The following ADAMTS6 variants were observed in gnomAD, a reference collection of about 807,000 sequenced individuals.
ADAMTS6 encodes ADAM metallopeptidase with thrombospondin type 1 motif 6, also known as A disintegrin and metalloproteinase with thrombospondin motifs 6.
ADAMTS6 carries 23 observed loss-of-function variants against 144.3 expected under a neutral mutation model. The observed-to-expected ratio is 0.16, with a 90% CI of 0.11 to 0.23. The LOEUF (loss-of-function observed/expected upper bound fraction) is 0.23. ADAMTS6 is among the 10% of genes least tolerant of loss of function. The pLI, the probability that ADAMTS6 is intolerant of heterozygous loss-of-function variation, is 1.00. For synonymous variants in ADAMTS6, 444 were observed against 457.5 expected, an observed-to-expected ratio of 0.97 and a Z score of 0.38; for missense variants, 999 against 1,379.6, an observed-to-expected ratio of 0.72 and a Z score of 4.37.
At chr5:65,364,712 G>C (rs1278149323) in intron 7 of ADAMTS6, among the ~76,000 whole-genome samples, 1 of 151,560 alleles carries the variant, frequency 6.6e-6, no homozygotes, top group African/African-American at 2.4e-5. Context: ...GACTACAGGC[G>C]CCCGTCACTG....
chr5:65,271,387 A>AC (rs1195869382), intron 12 of ADAMTS6, among the ~76,000 whole-genome samples: 3 of 151,754 alleles, frequency 2.0e-5, no homozygotes, highest in African/African-American at 4.8e-5. Context: ...AAAAAAAAAA[A>AC]AAAAAAAAAA....
At chr5:65,356,935 T>A (rs1477363350) in intron 7 of ADAMTS6, among the ~76,000 whole-genome samples, 1 of 151,852 alleles carries the variant, frequency 6.6e-6, no homozygotes, top group Admixed American at 6.6e-5. Flanking sequence ...AAGGTATTTT[T>A]CAGGGGTAAT....
chr5:65,232,802 T>G (rs1758364067), intron 15 of ADAMTS6, among the ~76,000 whole-genome samples: 1 of 152,036 alleles, frequency 6.6e-6, no homozygotes, highest in Non-Finnish European at 1.5e-5. Flanking sequence ...TTTCTCACAC[T>G]TTTTCAAAAA....
chr5:65,306,837 A>C (rs1743982773), intron 9 of ADAMTS6, among the ~76,000 whole-genome samples: 1 of 152,176 alleles, frequency 6.6e-6, no homozygotes. Context: ...TCTTTTGTAA[A>C]GTGTTCAACT....
At chr5:65,210,700 G>A in intron 20 of ADAMTS6, 1 of 643,598 alleles carries the variant, frequency 1.6e-6, no homozygotes, top group Middle Eastern at 4.0e-4. Context: ...TAATGTGGAA[G>A]TACACCAGAA....
chr5:65,404,252 C>T (rs1356780390), intron 7 of ADAMTS6, among the ~76,000 whole-genome samples: 2 of 152,012 alleles, frequency 1.3e-5, no homozygotes, highest in Non-Finnish European at 2.9e-5. Flanking sequence ...CCAATCAACT[C>T]GTCATTTACA....
intron 22 of ADAMTS6, among the ~76,000 whole-genome samples, chr5:65,178,320 G>A (rs942284850): frequency 6.6e-6 from 1 of 152,224 alleles, no homozygotes; most frequent in Non-Finnish European, 1.5e-5. Context: ...CGCAATTGGA[G>A]TCCCACGGGG....
At chr5:65,255,645 T>C (rs1760586299) in intron 14 of ADAMTS6, among the ~76,000 whole-genome samples, 1 of 152,090 alleles carries the variant, frequency 6.6e-6, no homozygotes, top group Non-Finnish European at 1.5e-5. Context: ...CCTTAGGTGC[T>C]TGGATGCTCT....
chr5:65,227,457 T>C (rs1363014141), intron 15 of ADAMTS6, among the ~76,000 whole-genome samples: 1 of 152,218 alleles, frequency 6.6e-6, no homozygotes, highest in Non-Finnish European at 1.5e-5. Flanking sequence ...CTTAAAATAT[T>C]TTCTTTTGTA....
At chr5:65,394,026 GCA>G (rs1352912798) in intron 7 of ADAMTS6, among the ~76,000 whole-genome samples, 2 of 152,100 alleles carry the variant, frequency 1.3e-5, no homozygotes, top group Non-Finnish European at 2.9e-5. Context: ...CATTCATGTG[GCA>G]AATTTTTTTT....
At chr5:65,152,478 A>C (rs1427634662) in intron 24 of ADAMTS6, among the ~76,000 whole-genome samples, 2 of 152,372 alleles carry the variant, frequency 1.3e-5, no homozygotes, top group Admixed American at 1.3e-4. Flanking sequence ...TTCAGCAACT[A>C]CACTAGACAA....
chr5:65,274,062 A>T (rs2112660385), intron 11 of ADAMTS6, among the ~76,000 whole-genome samples: 1 of 152,256 alleles, frequency 6.6e-6, no homozygotes, highest in Non-Finnish European at 1.5e-5. Flanking sequence ...GTTTTGAACA[A>T]ATGCTGCTGT....
intron 15 of ADAMTS6, among the ~76,000 whole-genome samples, chr5:65,234,115 T>C (rs1187248607): frequency 6.8e-6 from 1 of 147,126 alleles, no homozygotes; most frequent in Admixed American, 6.8e-5. Context: ...GAAAAAGAAA[T>C]TGGATACTTA....
At chr5:65,342,303 G>A (rs184779313) in intron 7 of ADAMTS6, among the ~76,000 whole-genome samples, 7 of 152,242 alleles carry the variant, frequency 4.6e-5, no homozygotes, top group African/African-American at 1.7e-4. Context: ...AATCATGGTG[G>A]AAGGTGAAAG....
chr5:65,158,091 C>G (rs931741107), intron 24 of ADAMTS6, among the ~76,000 whole-genome samples: 1 of 152,186 alleles, frequency 6.6e-6, no homozygotes, highest in African/African-American at 2.4e-5. Flanking sequence ...CCAGACCAGA[C>G]AGCCAGGAAT....
intron 18 of ADAMTS6, among the ~76,000 whole-genome samples, chr5:65,224,087 A>G (rs1216265407): frequency 1.3e-5 from 2 of 152,214 alleles, no homozygotes; most frequent in African/African-American, 4.8e-5. Flanking sequence ...GGTGTGAGCC[A>G]CAGCGCCTGG....
intron 22 of ADAMTS6, among the ~76,000 whole-genome samples, chr5:65,176,126 AG>A (rs758364831): frequency 8.6e-5 from 13 of 151,018 alleles, no homozygotes; most frequent in African/African-American, 2.4e-4. Context: ...AGGGAAAAAA[AG>A]GGGGGGGCAG....
chr5:65,226,715 T>C (rs1174444633), intron 15 of ADAMTS6, among the ~76,000 whole-genome samples: 3 of 151,952 alleles, frequency 2.0e-5, no homozygotes, highest in Admixed American at 1.3e-4. Flanking sequence ...CCTGAGTAGC[T>C]GGGATTACAG....
At chr5:65,361,405 C>T (rs1000485700) in intron 7 of ADAMTS6, among the ~76,000 whole-genome samples, 1 of 152,200 alleles carries the variant, frequency 6.6e-6, no homozygotes. Context: ...AAATCTGGTA[C>T]TCAAAGTTCA....
Sources: allele counts gnomAD v4.1 joint callset (sites outside exome capture counted in the v4.1 genomes callset), GRCh38; gene constraint gnomAD v4.1.1; transcripts MANE v1.5; gene names NCBI Gene and HGNC (gene_info 2026-07-23, HGNC 2026-07-21).